The following SPDYE4 variants were observed in gnomAD, a reference collection of about 807,000 sequenced individuals.
The protein encoded by SPDYE4 is speedy/RINGO cell cycle regulator family member E4, also known as speedy protein E4.
A neutral mutation model predicts 37.5 loss-of-function variants in SPDYE4; 30 were observed. The ratio of observed to expected loss-of-function variants is 0.80; its 90% confidence interval spans 0.60 to 1.09. The LOEUF is 1.09. SPDYE4 is among the 50% of genes least tolerant of loss of function. SPDYE4 has a pLI of 0.00. For missense variants in SPDYE4, 300 were observed against 307.9 expected, an observed-to-expected ratio of 0.97 and a Z score of 0.19; for synonymous variants, 131 against 120.3, an observed-to-expected ratio of 1.09 and a Z score of -0.58.
Position 8,756,252 on chromosome 17 carries a change from G to C in SPDYE4, c.399+126C>G, listed in dbSNP as rs540895732. The C allele has an allele frequency of 1.4e-5, 12 of 870,286 alleles. No homozygotes were observed. In the African/African-American group the frequency reaches 1.5e-4, roughly 11 times the overall value. The allele number at this position is 870,286 out of a possible 1,614,324, so 53.9% of individuals were successfully genotyped here. A position where few individuals can be genotyped will look rare whatever the true frequency, so the allele number is the denominator to read the frequency against. On this transcript the variant is annotated intron_variant, in intron 3 of 6. Coordinates refer to ENST00000689094, the MANE Select transcript of SPDYE4 (RefSeq NM_001394956.1). ...TAAAAATCAAAATGTGGGCGCCCAA[G>C]AGTATGGAATCAGCAGGTGGGAGAT... is the stretch of plus-strand genomic sequence containing the variant.
At chr17:8,755,726 T>C (rs2086766724) in intron 3 of SPDYE4, 121 bp from the exon 4 acceptor site, 3 of 1,267,476 alleles carry the variant, frequency 2.4e-6, no homozygotes, top group South Asian at 1.3e-5. Flanking sequence ...AACCTCAGTG[T>C]TGGGTGACTA....
chr17:8,752,030 G>T lies in SPDYE4; in HGVS notation c.*252C>A, dbSNP rs199718129. ...AGGGGTGGAACCAGAAACACCCCTG[G>T]TTTCTCACTTTCCCTCCACTGACTC... is the stretch of plus-strand genomic sequence containing the variant. On this transcript the variant is annotated 3_prime_UTR_variant, in exon 7 of 7. Coordinates refer to ENST00000689094, the MANE Select transcript of SPDYE4 (RefSeq NM_001394956.1). Among the ~76,000 whole-genome samples the T allele has an allele frequency of 6.6e-6, 1 of 151,956 alleles. No homozygotes were observed. The highest frequency in any genetic ancestry group is 1.9e-4 in the East Asian group (1 of 5,178).
chr17:8,757,035 T>C (rs368983319), intron 2 of SPDYE4, among the ~76,000 whole-genome samples: 5 of 152,144 alleles, frequency 3.3e-5, no homozygotes, highest in Admixed American at 1.3e-4. Flanking sequence ...AGCACCAAGA[T>C]CTCAGGCATG....
Position 8,757,284 on chromosome 17 carries a change from G to A in SPDYE4, c.318C>T (p.His106=), listed in dbSNP as rs111535957. The stretch of plus-strand genomic sequence containing the variant: ...TACCAAGGAGCCTGTTGAAGGCCTC[G>A]TGGTGCTCAGGGAGCACGGAGGATG... The part of the protein sequence containing the change: ...KRASSVLPEH[H]EAFNRLLGDP... The change falls in exon 2 of 7, where the codon CAC becomes CAT. Residue 106 remains histidine (H), a synonymous_variant. Transcript: ENST00000689094. The A allele has an allele frequency of 1.2e-4, 199 of 1,605,740 alleles. No individual in the cohort carries two copies. Among genetic ancestry groups the A allele is most frequent in the Non-Finnish European group, 1.5e-4 (176 of 1,176,006 alleles).
chr17:8,756,581 T>C, intron 2 of SPDYE4, 145 bp from the exon 3 acceptor site: 1 of 729,838 alleles, frequency 1.4e-6, no homozygotes, highest in Non-Finnish European at 2.3e-6. Flanking sequence ...AGAGAAGGAC[T>C]TTCACTGGGC....
At chr17:8,750,137 C>G (rs938011315), downstream of SPDYE4, among the ~76,000 whole-genome samples, 8 of 152,186 alleles carry the variant, frequency 5.3e-5, no homozygotes, top group Non-Finnish European at 8.8e-5. Flanking sequence ...ACCTGTAATC[C>G]TAGCACTTTG....
In SPDYE4 at chr17:8,753,201, GA is replaced by G; in HGVS notation, c.655-5del. On this transcript the variant is annotated splice_region_variant and splice_polypyrimidine_tract_variant and intron_variant, in intron 5 of 6. Transcript: ENST00000689094. ...GCTCTGGGTCATAAGCCTGGATCTG[GA>G]AAAACACACACCACTTGAGAAGCCA... 1.9e-6 allele frequency: 3 copies of G among 1,614,020 alleles called. No individual in the cohort carries two copies. The highest frequency in any genetic ancestry group is 2.5e-6 in the Non-Finnish European group (3 of 1,180,016).
chr17:8,758,347 C>T lies in SPDYE4; in HGVS notation c.36G>A (p.Glu12=). Reference sequence around the variant, plus strand: ...CCGTTGTGCTAGGCTGGGGGCTCTCCTCCTCAAACGGGGGGCGCGCTTGAC... The same window carrying T: ...CCGTTGTGCTAGGCTGGGGGCTCTCTTCCTCAAACGGGGGGCGCGCTTGAC... ...ASGQARPPFE[E]ESPQPSTTVR... Residue 12 remains glutamate, a synonymous_variant, in exon 1 of 7, where the codon GAG becomes GAA. Transcript: ENST00000689094. 1 of 1,551,690 alleles carries T rather than the reference C, an allele frequency of 6.4e-7. No individual in the cohort carries two copies. The highest frequency in any genetic ancestry group is 8.7e-7 in the Non-Finnish European group (1 of 1,146,980).
chr17:8,754,614 C>A lies in SPDYE4; in HGVS notation c.485+906G>T, dbSNP rs150295074. On this transcript the variant is annotated intron_variant, in intron 4 of 6. Coordinates refer to ENST00000689094, the MANE Select transcript of SPDYE4 (RefSeq NM_001394956.1). ...AAAAAACTTTGATATTTTGACAAGA[C>A]CCTGCCTTCAACAGGGGTCTACTCT... is the stretch of plus-strand genomic sequence containing the variant. Among the ~76,000 whole-genome samples the A allele has an allele frequency of 2.8e-3, 427 of 152,302 alleles. 1 individual carries two copies. Among genetic ancestry groups the A allele is most frequent in the African/African-American group, 9.7e-3 (405 of 41,550 alleles).
At chr17:8,749,434 T>A (rs949687286), downstream of SPDYE4, among the ~76,000 whole-genome samples, 13 of 152,242 alleles carry the variant, frequency 8.5e-5, no homozygotes, top group African/African-American at 3.1e-4. Flanking sequence ...CGGCTAATTT[T>A]TTGTATTTTT....
chr17:8,758,163 G>A (rs771430591), intron 1 of SPDYE4, 111 bp downstream of exon 1: 78 of 906,072 alleles, frequency 8.6e-5, no homozygotes, highest in Middle Eastern at 2.6e-4. Context: ...TCCTGAGTCC[G>A]TCGTTTCTTT....
chr17:8,758,183 C>G, intron 1 of SPDYE4, 91 bp downstream of exon 1: 1 of 1,113,724 alleles, frequency 9.0e-7, no homozygotes, highest in South Asian at 1.6e-5. Flanking sequence ...TCCCACACAC[C>G]CTACTCAGGT....
intron 2 of SPDYE4, among the ~76,000 whole-genome samples, 189 bp downstream of exon 2, chr17:8,757,073 C>T (rs1172047716): frequency 2.0e-5 from 3 of 152,004 alleles, no homozygotes; most frequent in Non-Finnish European, 4.4e-5. Flanking sequence ...AGAAACCAAG[C>T]TTTCTTATTT....
Position 8,756,469 on chromosome 17 carries a change from G to A in SPDYE4, c.341-33C>T, listed in dbSNP as rs75753163. 7.7e-3 allele frequency: 12,292 copies of A among 1,605,692 alleles called. 635 individuals are homozygous for A. The African/African-American group carries it at 0.12, about 16-fold the overall frequency. On this transcript the variant is annotated intron_variant, in intron 2 of 6. Transcript: ENST00000689094. Reference sequence around the variant, plus strand: ...AAGAGAGCCTGTGTCAGGGTGAGAAGTGGAACAGGGTTGCCGTGGGAGCAG... The same window carrying A: ...AAGAGAGCCTGTGTCAGGGTGAGAAATGGAACAGGGTTGCCGTGGGAGCAG...
intron 3 of SPDYE4, 63 bp downstream of exon 3, chr17:8,756,315 G>A (rs1011191095): frequency 1.6e-5 from 24 of 1,515,958 alleles, no homozygotes; most frequent in Middle Eastern, 3.8e-4. Flanking sequence ...GGGTTTAGAC[G>A]CTGCACCCTT....
intron 4 of SPDYE4, chr17:8,755,239 A>T (rs2086761896): frequency 3.3e-6 from 1 of 306,332 alleles, no homozygotes; most frequent in Admixed American, 4.5e-5. Flanking sequence ...AGAGAACCAG[A>T]AATGGCTGCT....
Position 8,753,151 on chromosome 17 carries a change from G to T in SPDYE4, c.701C>A (p.Thr234Asn), listed in dbSNP as rs763174352. 1.2e-6 allele frequency: 2 copies of T among 1,614,086 alleles called. No individual in the cohort carries two copies. Among genetic ancestry groups the T allele is most frequent in the East Asian group, 4.5e-5 (2 of 44,860 alleles). Residue 234 changes from threonine (T) to asparagine (N), a missense_variant, in exon 6 of 7, where the codon ACC becomes AAC. By Grantham distance (65) the Thr-to-Asn change is moderately conservative. Coordinates refer to ENST00000689094, the MANE Select transcript of SPDYE4 (RefSeq NM_001394956.1). ...PEHWVWARDR[T>N]LIS is the part of the protein sequence containing the mutation. ...GTCCCCGGAGCTCTAGGAAATGAGGGTGCGATCTCGGGCCCACACCCAGTG... is the reference window on the plus strand; with the variant it reads ...GTCCCCGGAGCTCTAGGAAATGAGGTTGCGATCTCGGGCCCACACCCAGTG...
At position 8,758,367 on chromosome 17, in the gene SPDYE4, C is replaced by T. The variant is rs1355023328; in HGVS notation, c.16G>A (p.Ala6Thr). The T allele has an allele frequency of 1.9e-6, 3 of 1,551,386 alleles. No individual in the cohort carries two copies. Among genetic ancestry groups the T allele is most frequent in the Non-Finnish European group, 2.6e-6 (3 of 1,146,820 alleles). The change falls in exon 1 of 7, where the codon GCG becomes ACG. Residue 6 changes from alanine (A) to threonine (T), a missense_variant. Ala to Thr is a moderately conservative substitution (Grantham distance 58). Coordinates refer to ENST00000689094, the MANE Select transcript of SPDYE4 (RefSeq NM_001394956.1). MASGQ[A>T]RPPFEEESPQ... ...CTCTCCTCCTCAAACGGGGGGCGCG[C>T]TTGACCACTGGCCATAATCTCTCCC...
chr17:8,753,287 C>T (rs1247373273), intron 5 of SPDYE4, 34 bp downstream of exon 5: 1 of 1,134,280 alleles, frequency 8.8e-7, no homozygotes, highest in Admixed American at 2.0e-5. Context: ...CCCCATCCCT[C>T]CCCACCCCCA....
Sources: allele counts gnomAD v4.1 joint callset (sites outside exome capture counted in the v4.1 genomes callset), GRCh38; gene constraint gnomAD v4.1.1; transcripts MANE v1.5; gene names NCBI Gene and HGNC (gene_info 2026-07-23, HGNC 2026-07-21).